The following ITGA8 variants were observed in gnomAD, a reference collection of about 807,000 sequenced individuals.
The protein encoded by ITGA8 is integrin alpha-8.
Under a neutral mutation model 142.3 loss-of-function variants are expected in ITGA8, and 91 were observed. The ratio of observed to expected loss-of-function variants is 0.64; its 90% CI spans 0.54 to 0.76. ITGA8 has a LOEUF of 0.76. ITGA8 is among the 30% of genes least tolerant of loss of function. The pLI is 0.00. For synonymous variants in ITGA8, 505 were observed against 485.2 expected (o/e 1.04, Z -0.54); for missense variants, 1,406 against 1,327.7 (o/e 1.06, Z -0.92).
intron 27 of ITGA8, among the ~76,000 whole-genome samples, chr10:15,542,114 A>T (rs1468961853): frequency 3.3e-5 from 5 of 152,188 alleles, no homozygotes; most frequent in African/African-American, 1.2e-4. Flanking sequence ...CCTAATTCTT[A>T]CTTTACGAGG....
chr10:15,648,028 G>C (rs576230132), intron 11 of ITGA8, among the ~76,000 whole-genome samples: 7 of 152,068 alleles, frequency 4.6e-5, no homozygotes, highest in Non-Finnish European at 1.0e-4. Flanking sequence ...ACCACCTGGA[G>C]AAAAAATAAA....
intron 8 of ITGA8, among the ~76,000 whole-genome samples, chr10:15,662,692 G>A (rs549024180): frequency 6.6e-6 from 1 of 152,048 alleles, no homozygotes; most frequent in African/African-American, 2.4e-5. Context: ...CTTGACCTAG[G>A]AACACATGAC....
chr10:15,638,366 T>C (rs1170640543), intron 13 of ITGA8, among the ~76,000 whole-genome samples: 2 of 152,196 alleles, frequency 1.3e-5, no homozygotes, highest in Non-Finnish European at 2.9e-5. Flanking sequence ...GTGTTAAGAA[T>C]ACGTAAGAGT....
At chr10:15,699,473 G>GATAC (rs563039199) in intron 2 of ITGA8, among the ~76,000 whole-genome samples, 53 of 152,264 alleles carry the variant, frequency 3.5e-4, no homozygotes, top group Non-Finnish European at 3.2e-4. Flanking sequence ...ATGATAGATA[G>GATAC]ATACATACAT....
chr10:15,683,874 T>A (rs1052383712), intron 4 of ITGA8, 130 bp downstream of exon 4: 1 of 1,001,652 alleles, frequency 1.0e-6, no homozygotes, highest in Non-Finnish European at 1.5e-6. Flanking sequence ...CAAAAATCTT[T>A]ACCTACCCCC....
In ITGA8 at chr10:15,718,797, C is replaced by T. The variant is rs143130734; in HGVS notation, c.312G>A (p.Ala104=). 2.2e-4 allele frequency: 360 copies of T among 1,614,174 alleles called. No individual in the cohort carries two copies. Among genetic ancestry groups the T allele is most frequent in the East Asian group, 1.6e-3 (72 of 44,886 alleles). Residue 104 remains alanine (A), a synonymous_variant, in exon 2 of 30, where the codon GCG becomes GCA. Coordinates refer to ENST00000378076, the MANE Select transcript of ITGA8 (RefSeq NM_003638.3). The part of the protein sequence containing the change: ...YYCPWPAEGS[A]QCRQIPFDTT... ...TGTCAAACGGTATCTGCCTGCACTG[C>T]GCAGACCCCTCCGCGGGCCAAGGAC... is the stretch of plus-strand genomic sequence containing the variant.
intron 25 of ITGA8, among the ~76,000 whole-genome samples, chr10:15,571,300 G>A (rs530024620): frequency 5.3e-4 from 80 of 152,312 alleles, no homozygotes; most frequent in South Asian, 1.2e-3. Flanking sequence ...GGCTGGTGGC[G>A]TGGGTATTCC....
At chr10:15,572,785 A>T (rs1834209075) in intron 24 of ITGA8, among the ~76,000 whole-genome samples, 1 of 152,224 alleles carries the variant, frequency 6.6e-6, no homozygotes, top group Non-Finnish European at 1.5e-5. Context: ...AATTGCAACC[A>T]TATGTGATGT....
At position 15,605,724 on chromosome 10, in the gene ITGA8, G is replaced by T; in HGVS notation, c.1970C>A (p.Pro657Gln). 6.2e-7 allele frequency: 1 copy of T among 1,610,668 alleles called. No individual in the cohort carries two copies. Among genetic ancestry groups the T allele is most frequent in the African/African-American group, 1.3e-5 (1 of 74,922 alleles). The part of the protein sequence containing the change: ...CVPDLKLSAR[P>Q]DKHQVIIGDE... ...TACACATTTAGTTATTTAAACTTACGGTCTAGCCGACAGCTTCAAGTCAGG... is the reference window on the plus strand; with the variant it reads ...TACACATTTAGTTATTTAAACTTACTGTCTAGCCGACAGCTTCAAGTCAGG... Residue 657 changes from proline to glutamine, a missense_variant and splice_region_variant, in exon 19 of 30, where the codon CCA becomes CAA. Coordinates refer to ENST00000378076, the MANE Select transcript of ITGA8 (RefSeq NM_003638.3).
intron 26 of ITGA8, among the ~76,000 whole-genome samples, chr10:15,557,449 G>T (rs1833906224): frequency 6.6e-6 from 1 of 152,188 alleles, no homozygotes; most frequent in Admixed American, 6.5e-5. Context: ...CTAAGCTCAG[G>T]CTTGAGCTGC....
chr10:15,689,996 C>T (rs1227904225), intron 2 of ITGA8, among the ~76,000 whole-genome samples: 1 of 152,136 alleles, frequency 6.6e-6, no homozygotes, highest in East Asian at 1.9e-4. Context: ...GGAATTGATG[C>T]TTTGGTGCAG....
In ITGA8 at chr10:15,540,481, C is replaced by A. The variant is rs140508703; in HGVS notation, c.2880+7974G>T. Among the ~76,000 whole-genome samples, 134 of 152,322 alleles carry A rather than the reference C, an allele frequency of 8.8e-4. 1 individual carries two copies. The East Asian group carries it at 0.022, about 25-fold the overall frequency. On this transcript the variant is annotated intron_variant, in intron 27 of 29. Transcript: ENST00000378076. ...CAGTTTGGAAGCCTTCTCATCTCAA[C>A]CTGGAGGGTTTCAGTTTGAAAGATG...
At chr10:15,680,850 G>A (rs559202401) in intron 4 of ITGA8, among the ~76,000 whole-genome samples, 4 of 151,530 alleles carry the variant, frequency 2.6e-5, no homozygotes, top group Non-Finnish European at 4.4e-5. Context: ...TTATAATAGA[G>A]TGTGAGGTTC....
intron 11 of ITGA8, among the ~76,000 whole-genome samples, chr10:15,649,223 C>T (rs963724316): frequency 1.3e-5 from 2 of 151,792 alleles, no homozygotes; most frequent in Admixed American, 6.6e-5. Context: ...AAATTAACCC[C>T]ATGAGGAAAA....
At chr10:15,574,713 AT>A (rs201316424) in intron 24 of ITGA8, among the ~76,000 whole-genome samples, 28 of 123,862 alleles carry the variant, frequency 2.3e-4, no homozygotes, top group African/African-American at 3.8e-4. Flanking sequence ...GTATATATAT[AT>A]TTTTTTTTTA....
intron 11 of ITGA8, among the ~76,000 whole-genome samples, chr10:15,650,017 A>G (rs1306877768): frequency 1.3e-5 from 2 of 152,222 alleles, no homozygotes; most frequent in African/African-American, 4.8e-5. Context: ...TAATTGCCCA[A>G]ACTTGGAAGC....
intron 15 of ITGA8, among the ~76,000 whole-genome samples, chr10:15,609,233 A>G (rs1833250080): frequency 6.6e-6 from 1 of 152,160 alleles, no homozygotes; most frequent in African/African-American, 2.4e-5. Context: ...CCAAGCCCTA[A>G]CAGCTATCAC....
intron 13 of ITGA8, among the ~76,000 whole-genome samples, chr10:15,627,394 C>T (rs1833604134): frequency 1.3e-5 from 2 of 152,182 alleles, no homozygotes; most frequent in African/African-American, 2.4e-5. Flanking sequence ...AGTCTGTGGT[C>T]TGGTTGGACC....
At chr10:15,611,811 A>C (rs926629021) in intron 15 of ITGA8, among the ~76,000 whole-genome samples, 1 of 152,102 alleles carries the variant, frequency 6.6e-6, no homozygotes, top group Non-Finnish European at 1.5e-5. Context: ...TTAAAAAAAA[A>C]AAAAAAAAAC....
Sources: gnomAD v4.1 joint callset for allele counts (sites outside exome capture counted in the v4.1 genomes callset) on GRCh38, gnomAD v4.1.1 for gene constraint, MANE v1.5 for transcripts, NCBI Gene and HGNC (gene_info 2026-07-23, HGNC 2026-07-21) for gene names.